Variants in STK32C observed in about 807,000 individuals in gnomAD.
STK32C encodes the protein serine/threonine kinase 32C, also known as serine/threonine-protein kinase 32C.
STK32C carries 31 observed loss-of-function variants against 56.5 expected under a neutral mutation model. That is an observed-to-expected ratio of 0.55 (90% CI 0.41 to 0.74). The LOEUF is 0.74. STK32C is among the 30% of genes least tolerant of loss of function. STK32C has a pLI of 0.00. For missense variants in STK32C, 544 were observed against 676.9 expected (o/e 0.80, Z 2.18); for synonymous variants, 309 against 289.4 (o/e 1.07, Z -0.69).
chr10:132,252,867 G>A (rs776952689), intron 1 of STK32C, among the ~76,000 whole-genome samples: 23 of 152,192 alleles, frequency 1.5e-4, no homozygotes, highest in Non-Finnish European at 2.2e-4. Flanking sequence ...TGACCCGAGC[G>A]TGGGGCCGCC....
At chr10:132,235,083 A>G (rs2137809263) in intron 2 of STK32C, among the ~76,000 whole-genome samples, 1 of 152,142 alleles carries the variant, frequency 6.6e-6, no homozygotes, top group South Asian at 2.1e-4. Context: ...TGTGACTGGT[A>G]TGAACTGTGT....
chr10:132,280,621 C>CA (rs1405052350), intron 1 of STK32C, among the ~76,000 whole-genome samples: 9 of 150,254 alleles, frequency 6.0e-5, no homozygotes. Flanking sequence ...GACCACGCCC[C>CA]TGCACTCCGT....
At chr10:132,209,764 TGACGTTGGTCACTAC>T (rs1462221366) in intron 10 of STK32C, among the ~76,000 whole-genome samples, 1 of 152,100 alleles carries the variant, frequency 6.6e-6, no homozygotes, top group African/African-American at 2.4e-5. Flanking sequence ...ACTTGGATGG[TGACGTTGGTCACTAC>T]CAACGCGTGA....
chr10:132,301,254 G>A (rs191272874), intron 1 of STK32C, among the ~76,000 whole-genome samples: 2 of 150,202 alleles, frequency 1.3e-5, no homozygotes, highest in African/African-American at 2.5e-5. Flanking sequence ...CGAGCTTCCC[G>A]ACACCAAGTA....
At chr10:132,267,707 A>T (rs369504469) in intron 1 of STK32C, among the ~76,000 whole-genome samples, 1 of 101,294 alleles carries the variant, frequency 9.9e-6, no homozygotes, top group Non-Finnish European at 2.0e-5. Context: ...GTTCAGCTCT[A>T]TGTCTATGTG....
At chr10:132,302,747 G>A (rs558049199) in intron 1 of STK32C, among the ~76,000 whole-genome samples, 3 of 152,330 alleles carry the variant, frequency 2.0e-5, no homozygotes, top group South Asian at 2.1e-4. Flanking sequence ...CTAAGCTGAC[G>A]CTCTGGAAGG....
intron 1 of STK32C, among the ~76,000 whole-genome samples, chr10:132,283,484 A>C (rs1003942001): frequency 1.8e-4 from 27 of 152,338 alleles, no homozygotes; most frequent in African/African-American, 6.5e-4. Context: ...CATGGGGACC[A>C]GGCTCCCAGA....
chr10:132,267,524 T>C (rs11146290), intron 1 of STK32C, among the ~76,000 whole-genome samples: 30,651 of 144,494 alleles, frequency 0.21, 3,743 homozygotes, highest in Non-Finnish European at 0.3. Flanking sequence ...TGTGTCAGTG[T>C]GTGTGCATGC....
chr10:132,308,319 G>T (rs2066149039), upstream of STK32C, among the ~76,000 whole-genome samples: 1 of 152,168 alleles, frequency 6.6e-6, no homozygotes, highest in African/African-American at 2.4e-5. Context: ...CTGGCACGGG[G>T]ACTGCTGTGC....
At chr10:132,261,870 CA>C (rs1026066426) in intron 1 of STK32C, among the ~76,000 whole-genome samples, 3 of 152,140 alleles carry the variant, frequency 2.0e-5, no homozygotes, top group Non-Finnish European at 4.4e-5. Context: ...CCATACTGCC[CA>C]AAGTAATCTA....
At chr10:132,259,046 G>A (rs932867803) in intron 1 of STK32C, among the ~76,000 whole-genome samples, 4 of 125,992 alleles carry the variant, frequency 3.2e-5, no homozygotes, top group African/African-American at 7.6e-5. Context: ...ACCGGGTACT[G>A]GGGGCACAGC....
rs144362008 is a variant in STK32C at position 132,292,941 on chromosome 10, G to A, written c.262+14631C>T. ...CATGCAGACGTCCTCCTCCTGACTCGGTGGGTGCTCACCTGCTCCAGTGCT... is the reference window on the plus strand; with the variant it reads ...CATGCAGACGTCCTCCTCCTGACTCAGTGGGTGCTCACCTGCTCCAGTGCT... On this transcript the variant is annotated intron_variant, in intron 1 of 11. Coordinates refer to ENST00000298630, the MANE Select transcript of STK32C (RefSeq NM_173575.4). 6.4e-4 allele frequency among the ~76,000 whole-genome samples: 96 copies of A among 150,384 alleles called. 1 individual carries two copies. Among genetic ancestry groups the A allele is most frequent in the African/African-American group, 2.2e-3 (89 of 40,768 alleles).
At chr10:132,221,686 C>CGG (rs2062663123) in intron 10 of STK32C, among the ~76,000 whole-genome samples, 1 of 144,418 alleles carries the variant, frequency 6.9e-6, no homozygotes, top group Admixed American at 7.0e-5. Context: ...ATGGCCGTCC[C>CGG]CACACACACA....
At chr10:132,287,031 GAC>G (rs1478757338) in intron 1 of STK32C, among the ~76,000 whole-genome samples, 2 of 152,168 alleles carry the variant, frequency 1.3e-5, no homozygotes, top group East Asian at 3.8e-4. Context: ...AGAATACAAA[GAC>G]AATATAAGCA....
At chr10:132,238,963 C>G (rs2137851586) in intron 2 of STK32C, among the ~76,000 whole-genome samples, 1 of 152,328 alleles carries the variant, frequency 6.6e-6, no homozygotes, top group African/African-American at 2.4e-5. Flanking sequence ...CTGTCCAGCC[C>G]TGTCGGGTCC....
At chr10:132,281,834 A>G (rs2065217577) in intron 1 of STK32C, among the ~76,000 whole-genome samples, 1 of 152,234 alleles carries the variant, frequency 6.6e-6, no homozygotes, top group African/African-American at 2.4e-5. Flanking sequence ...GAGATCAGAC[A>G]TGGTGCTGAG....
At chr10:132,250,064 A>G (rs537854511) in intron 1 of STK32C, among the ~76,000 whole-genome samples, 1 of 152,372 alleles carries the variant, frequency 6.6e-6, no homozygotes, top group East Asian at 1.9e-4. Flanking sequence ...TGCAACCACC[A>G]CAGTCACCAG....
intron 10 of STK32C, among the ~76,000 whole-genome samples, chr10:132,213,368 A>G (rs886092672): frequency 6.6e-6 from 1 of 152,188 alleles, no homozygotes; most frequent in African/African-American, 2.4e-5. Context: ...GGGCCTCCGC[A>G]GTGTGACAGG....
At chr10:132,232,171 C>A (rs4880352) in intron 2 of STK32C, among the ~76,000 whole-genome samples, 95,962 of 151,876 alleles carry the variant, frequency 0.63, 31,746 homozygotes, top group Non-Finnish European at 0.72. Flanking sequence ...ATCTCCTTCA[C>A]CATTTTCTGA....
Sources: allele counts gnomAD v4.1 joint callset (sites outside exome capture counted in the v4.1 genomes callset), GRCh38; gene constraint gnomAD v4.1.1; transcripts MANE v1.5; gene names NCBI Gene and HGNC (gene_info 2026-07-23, HGNC 2026-07-21).